The following ENDOG variants were observed in gnomAD, a reference collection of about 807,000 sequenced individuals.
ENDOG encodes the protein endonuclease G.
A neutral mutation model predicts 22.6 loss-of-function variants in ENDOG; 22 were observed. The observed-to-expected ratio is 0.97, with a 90% CI of 0.70 to 1.39. ENDOG has a LOEUF of 1.39. Ranked by LOEUF, ENDOG falls within the 40% of genes most tolerant of loss-of-function variation. The probability of loss-of-function intolerance (pLI) is 0.00; values close to 1 mark genes in which losing one functional copy is unlikely to be tolerated. For missense variants in ENDOG, 403 were observed against 431.3 expected (o/e 0.93, Z 0.58); for synonymous variants, 173 against 200.2 (o/e 0.86, Z 1.15).
rs945730419 is a variant in ENDOG at position 128,818,525 on chromosome 9, C to T, written c.-160C>T. The T allele has an allele frequency of 9.4e-5, 80 of 846,676 alleles. No individual in the cohort carries two copies. The Middle Eastern group carries it at 2.1e-3, about 22-fold the overall frequency. 52.4% of individuals were successfully genotyped at this position (846,676 alleles called of 1,614,324 possible). On this transcript the variant is annotated 5_prime_UTR_variant, in exon 1 of 3. Coordinates refer to ENST00000372642, the MANE Select transcript of ENDOG (RefSeq NM_004435.2). ...ACACCCGGTTGGGCTCTGCTGCTCC[C>T]TTCTGGGTTCCGAGGCCCAAGCCCT...
chr9:128,820,495 C>G (rs571633228), intron 1 of ENDOG: 3 of 509,100 alleles, frequency 5.9e-6, no homozygotes, highest in African/African-American at 3.8e-5. Flanking sequence ...TTCCTTCATT[C>G]GACTCTTGGG....
Position 128,822,458 on chromosome 9 carries a change from G to C in ENDOG, c.742G>C (p.Val248Leu), listed in dbSNP as rs750663648. The C allele has an allele frequency of 6.3e-7, 1 of 1,580,806 alleles. No individual in the cohort carries two copies. The highest frequency in any genetic ancestry group is 8.6e-7 in the Non-Finnish European group (1 of 1,163,132). The change falls in exon 3 of 3, where the codon GTG becomes CTG. Residue 248 changes from valine to leucine, a missense_variant. Physicochemically the swap from Val to Leu is conservative, Grantham distance 32 (BLOSUM62 1). Coordinates refer to ENST00000372642, the MANE Select transcript of ENDOG (RefSeq NM_004435.2). ...AGGQIELRTY[V>L]MPNAPVDEAI... Reference sequence around the variant, plus strand: ...TGGGCAAATTGAGCTCCGCACCTACGTGATGCCCAACGCACCTGTGGATGA... The same window carrying C: ...TGGGCAAATTGAGCTCCGCACCTACCTGATGCCCAACGCACCTGTGGATGA...
intron 2 of ENDOG, 77 bp from the exon 3 acceptor site, chr9:128,822,251 C>G: frequency 6.5e-7 from 1 of 1,540,974 alleles, no homozygotes; most frequent in Non-Finnish European, 8.8e-7. Context: ...GAGGACAGAT[C>G]AGGGAAGGCT....
chr9:128,820,337 C>T (rs1254536770), intron 1 of ENDOG: 2 of 177,170 alleles, frequency 1.1e-5, no homozygotes, highest in East Asian at 1.6e-4. Context: ...GGATGGAGGT[C>T]GATTCATGGC....
rs1368186252 is a variant in ENDOG at position 128,822,434 on chromosome 9, G to A, written c.718G>A (p.Gly240Arg). 6.2e-7 allele frequency: 1 copy of A among 1,600,248 alleles called. No individual in the cohort carries two copies. ...FKVLILEAAG[G>R]QIELRTYVMP... Reference sequence around the variant, plus strand: ...GGTGCTGATCCTGGAGGCAGCAGGTGGGCAAATTGAGCTCCGCACCTACGT... The same window carrying A: ...GGTGCTGATCCTGGAGGCAGCAGGTAGGCAAATTGAGCTCCGCACCTACGT... The change falls in exon 3 of 3, where the codon GGG becomes AGG. Residue 240 changes from glycine (G) to arginine (R), a missense_variant. Gly to Arg is a moderately radical substitution (Grantham distance 125, BLOSUM62 -2). Transcript: ENST00000372642.
Position 128,822,399 on chromosome 9 carries a change from A to G in ENDOG, c.683A>G (p.His228Arg). The G allele has an allele frequency of 6.2e-7, 1 of 1,612,746 alleles. No homozygotes were observed. The highest frequency in any genetic ancestry group is 8.5e-7 in the Non-Finnish European group (1 of 1,179,524). The change falls in exon 3 of 3, where the codon CAC becomes CGC. Residue 228 changes from histidine (H) to arginine (R), a missense_variant. By Grantham distance (29) the His-to-Arg change is conservative. Transcript: ENST00000372642. Reference protein sequence around the residue: ...IGKNHVAVPTHFFKVLILEAA... With the variant: ...IGKNHVAVPTRFFKVLILEAA... Reference sequence around the variant, plus strand: ...AAGAACCACGTGGCAGTGCCCACACACTTCTTCAAGGTGCTGATCCTGGAG... The same window carrying G: ...AAGAACCACGTGGCAGTGCCCACACGCTTCTTCAAGGTGCTGATCCTGGAG...
chr9:128,820,851 A>G lies in ENDOG; in HGVS notation c.611+3A>G, dbSNP rs41275918. On this transcript the variant is annotated splice_donor_region_variant and intron_variant, in intron 2 of 2. Transcript: ENST00000372642. Reference sequence around the variant, plus strand: ...ACAGGGCCACTCTTCCTGCCCAGGTAAGGTGGAAACCAGGGGGGCGGCAGA... The same window carrying G: ...ACAGGGCCACTCTTCCTGCCCAGGTGAGGTGGAAACCAGGGGGGCGGCAGA... 1.3e-3 allele frequency: 2,092 copies of G among 1,605,040 alleles called. 5 individuals are homozygous for G. Among genetic ancestry groups the G allele is most frequent in the Non-Finnish European group, 1.5e-3 (1,797 of 1,175,252 alleles).
chr9:128,822,598 G>C lies in ENDOG; in HGVS notation c.882G>C (p.Ala294=). ...CAGGCAGCCTCAAGGCCATCACGGC[G>C]GGCAGTAAGTGAGGGTGGAGCCCAG... ...ARAGSLKAIT[A]GSK is the part of the protein sequence containing the mutation. The change falls in exon 3 of 3, where the codon GCG becomes GCC. Residue 294 remains alanine (A), a synonymous_variant. Coordinates refer to ENST00000372642, the MANE Select transcript of ENDOG (RefSeq NM_004435.2). The C allele has an allele frequency of 6.4e-7, 1 of 1,569,332 alleles. No homozygotes were observed. Among genetic ancestry groups the C allele is most frequent in the African/African-American group, 1.3e-5 (1 of 74,394 alleles).
chr9:128,819,634 A>G, intron 1 of ENDOG: 1 of 173,064 alleles, frequency 5.8e-6, no homozygotes, highest in Non-Finnish European at 1.2e-5. Flanking sequence ...GGCGGGTTTC[A>G]GGATAATTCA....
intron 1 of ENDOG, 135 bp downstream of exon 1, chr9:128,819,320 G>A: frequency 7.6e-7 from 1 of 1,308,094 alleles, no homozygotes; most frequent in Non-Finnish European, 9.9e-7. Flanking sequence ...ACATCCCGTG[G>A]CGGGAGGGAG....
chr9:128,818,580 A>G lies in ENDOG; in HGVS notation c.-105A>G. 1.9e-6 allele frequency: 2 copies of G among 1,040,270 alleles called. No individual in the cohort carries two copies. Among genetic ancestry groups the G allele is most frequent in the Non-Finnish European group, 2.3e-6 (2 of 863,852 alleles). 64.4% of individuals were successfully genotyped at this position (1,040,270 alleles called of 1,614,324 possible). Reference sequence around the variant, plus strand: ...AGTGTTTGTGAGTGGAAGGGAGGTCACGCTATCGTCCGCGGCCCCAGCAGC... The same window carrying G: ...AGTGTTTGTGAGTGGAAGGGAGGTCGCGCTATCGTCCGCGGCCCCAGCAGC... On this transcript the variant is annotated 5_prime_UTR_variant, in exon 1 of 3. Transcript: ENST00000372642.
intron 2 of ENDOG, chr9:128,822,032 T>C (rs11540574): frequency 4.6e-6 from 2 of 437,052 alleles, no homozygotes; most frequent in East Asian, 9.2e-5. Context: ...AGTCGTTAAG[T>C]CTCCCCTCAG....
chr9:128,820,602 C>T (rs1224711483), intron 1 of ENDOG, 137 bp from the exon 2 acceptor site: 1 of 714,186 alleles, frequency 1.4e-6, no homozygotes, highest in East Asian at 2.7e-5. Context: ...ACTTTCATTC[C>T]TTGAGCCTCA....
chr9:128,821,987 C>T, intron 2 of ENDOG: 1 of 318,666 alleles, frequency 3.1e-6, no homozygotes, highest in Non-Finnish European at 6.0e-6. Context: ...TGGTCCTTGC[C>T]CACTTGTTGC....
chr9:128,822,146 A>T, intron 2 of ENDOG, 182 bp from the exon 3 acceptor site: 1 of 690,972 alleles, frequency 1.4e-6, no homozygotes, highest in Non-Finnish European at 2.4e-6. Context: ...GGAAAGAGTT[A>T]ACCACCCTGG....
intron 1 of ENDOG, 122 bp from the exon 2 acceptor site, chr9:128,820,617 C>T (rs1830091140): frequency 2.6e-6 from 2 of 776,934 alleles, no homozygotes; most frequent in South Asian, 3.4e-5. Context: ...GCCTCAGTTT[C>T]CCCCCGCTTG....
chr9:128,820,646 A>C, intron 1 of ENDOG, 93 bp from the exon 2 acceptor site: 1 of 1,017,656 alleles, frequency 9.8e-7, no homozygotes, highest in Non-Finnish European at 1.5e-6. Flanking sequence ...GATATCTCTG[A>C]GCCTGTCCAT....
Position 128,818,769 on chromosome 9 carries a change from G to A in ENDOG, c.85G>A (p.Asp29Asn), listed in dbSNP as rs1830046754. ...VVEGWRRRRE[D>N]ARAAPGLLGR... ...CGAGGGCTGGCGGCGGCGGCGGGAGGACGCGCGGGCGGCGCCGGGACTGCT... is the reference window on the plus strand; with the variant it reads ...CGAGGGCTGGCGGCGGCGGCGGGAGAACGCGCGGGCGGCGCCGGGACTGCT... Residue 29 changes from aspartate (D) to asparagine (N), a missense_variant, in exon 1 of 3, where the codon GAC becomes AAC. Transcript: ENST00000372642. The A allele has an allele frequency of 8.4e-7, 1 of 1,184,484 alleles. No homozygotes were observed. The highest frequency in any genetic ancestry group is 1.0e-6 in the Non-Finnish European group (1 of 958,310). The allele number at this position is 1,184,484 out of a possible 1,614,324, so 73.4% of individuals were successfully genotyped here.
chr9:128,820,789 C>A lies in ENDOG; in HGVS notation c.552C>A (p.Arg184=). ...NAWNNLEKYS[R]SLTRSYQNVY... is the part of the protein sequence containing the mutation. ...GGAACAACCTGGAGAAATATAGCCG[C>A]AGCTTGACCCGCAGCTACCAAAACG... Residue 184 remains arginine (R), a synonymous_variant, in exon 2 of 3, where the codon CGC becomes CGA. Coordinates refer to ENST00000372642, the MANE Select transcript of ENDOG (RefSeq NM_004435.2). The A allele has an allele frequency of 1.2e-6, 2 of 1,612,592 alleles. No homozygotes were observed. Among genetic ancestry groups the A allele is most frequent in the Non-Finnish European group, 1.7e-6 (2 of 1,179,386 alleles).
Sources: allele counts gnomAD v4.1 joint callset, GRCh38; gene constraint gnomAD v4.1.1; transcripts MANE v1.5; gene names NCBI Gene and HGNC (gene_info 2026-07-23, HGNC 2026-07-21).